The following CLSTN2 variants were observed in gnomAD, a reference collection of about 807,000 sequenced individuals.
The protein encoded by CLSTN2 is calsyntenin-2.
In CLSTN2, 48 loss-of-function variants were observed where a neutral mutation model predicts 101.2. That is an observed-to-expected ratio of 0.47 (90% CI 0.38 to 0.60). The LOEUF is 0.60. Ranked by LOEUF, CLSTN2 falls within the 20% of genes least tolerant of loss-of-function variation. The probability of loss-of-function intolerance (pLI) is 0.00; values close to 1 mark genes in which losing one functional copy is unlikely to be tolerated. For synonymous variants in CLSTN2, 481 were observed against 463.6 expected (o/e 1.04, Z -0.48); for missense variants, 1,160 against 1,238.2 (o/e 0.94, Z 0.95).
intron 8 of CLSTN2, among the ~76,000 whole-genome samples, chr3:140,490,364 C>G (rs1383268216): frequency 6.6e-6 from 1 of 151,044 alleles, no homozygotes; most frequent in Non-Finnish European, 1.5e-5. Context: ...CCATGCTAGA[C>G]ACATCCCCAG....
intron 1 of CLSTN2, among the ~76,000 whole-genome samples, chr3:140,066,808 T>C (rs951931229): frequency 6.6e-6 from 1 of 152,138 alleles, no homozygotes; most frequent in Non-Finnish European, 1.5e-5. Context: ...TGCTTAGGAG[T>C]CAGAAAACTA....
At chr3:140,460,155 A>G (rs1236241706) in intron 7 of CLSTN2, 2 of 201,060 alleles carry the variant, frequency 9.9e-6, no homozygotes, top group Admixed American at 1.0e-4. Flanking sequence ...ACTGTATTAG[A>G]TACAGTAAGA....
chr3:139,966,051 C>G (rs547457717), intron 1 of CLSTN2, among the ~76,000 whole-genome samples: 40 of 152,308 alleles, frequency 2.6e-4, no homozygotes, highest in African/African-American at 8.9e-4. Flanking sequence ...AAAGAACAGA[C>G]AAGCTAGTGG....
At chr3:140,260,636 TATG>T (rs1381683422) in intron 2 of CLSTN2, among the ~76,000 whole-genome samples, 1 of 152,152 alleles carries the variant, frequency 6.6e-6, no homozygotes, top group Non-Finnish European at 1.5e-5. Context: ...CTTACTGTAG[TATG>T]ATGCATTAAT....
intron 2 of CLSTN2, among the ~76,000 whole-genome samples, chr3:140,300,726 T>C (rs142891746): frequency 1.3e-5 from 2 of 152,268 alleles, no homozygotes; most frequent in Non-Finnish European, 2.9e-5. Flanking sequence ...TAAAAATTAT[T>C]ACTGAGGGCC....
chr3:140,248,383 C>A (rs1576483564), intron 2 of CLSTN2, among the ~76,000 whole-genome samples: 1 of 152,162 alleles, frequency 6.6e-6, no homozygotes, highest in East Asian at 1.9e-4. Flanking sequence ...AGCTTCAAGT[C>A]CAAAGGAGAA....
At chr3:140,149,926 T>A (rs1471749549) in intron 1 of CLSTN2, among the ~76,000 whole-genome samples, 2 of 152,194 alleles carry the variant, frequency 1.3e-5, no homozygotes, top group Non-Finnish European at 2.9e-5. Flanking sequence ...CTTGGGTTCG[T>A]GACAAGTAGG....
chr3:140,171,868 AATAT>A (rs2010241403), intron 1 of CLSTN2, among the ~76,000 whole-genome samples: 1 of 124,484 alleles, frequency 8.0e-6, no homozygotes, highest in Non-Finnish European at 1.6e-5. Context: ...ATATAATAAC[AATAT>A]ATAATATATA....
intron 1 of CLSTN2, among the ~76,000 whole-genome samples, chr3:140,074,635 T>C (rs1244718466): frequency 1.3e-5 from 2 of 152,200 alleles, no homozygotes. Context: ...GGAGAGATGC[T>C]ATCATTACTC....
intron 1 of CLSTN2, among the ~76,000 whole-genome samples, chr3:139,991,986 T>C (rs936785543): frequency 6.6e-6 from 1 of 152,182 alleles, no homozygotes; most frequent in Non-Finnish European, 1.5e-5. Context: ...TGAGACCCAT[T>C]GTCCAGGTCT....
intron 2 of CLSTN2, among the ~76,000 whole-genome samples, chr3:140,346,269 C>T (rs188365414): frequency 6.6e-6 from 1 of 152,282 alleles, no homozygotes; most frequent in Admixed American, 6.5e-5. Flanking sequence ...TTTGCCAAGT[C>T]CCCTCAGCCA....
chr3:140,353,741 T>C (rs544169566), intron 2 of CLSTN2, among the ~76,000 whole-genome samples: 5 of 152,326 alleles, frequency 3.3e-5, no homozygotes, highest in African/African-American at 1.2e-4. Flanking sequence ...CAAAATAAAA[T>C]ATTAATAATT....
chr3:140,526,266 A>G (rs1482786971), intron 8 of CLSTN2, among the ~76,000 whole-genome samples: 1 of 152,174 alleles, frequency 6.6e-6, no homozygotes, highest in East Asian at 1.9e-4. Context: ...TCTATATGCC[A>G]ATAATGTTCT....
At chr3:140,404,076 C>T (rs1444253756) in intron 3 of CLSTN2, among the ~76,000 whole-genome samples, 1 of 152,236 alleles carries the variant, frequency 6.6e-6, no homozygotes, top group East Asian at 1.9e-4. Context: ...TTAGGTGTCA[C>T]TTCTTCCAGA....
chr3:140,143,628 A>T (rs2009735803), intron 1 of CLSTN2, among the ~76,000 whole-genome samples: 1 of 152,102 alleles, frequency 6.6e-6, no homozygotes, highest in African/African-American at 2.4e-5. Context: ...CCACCACCAG[A>T]TTCTCTCTGT....
At chr3:140,187,037 C>A (rs78580754) in intron 2 of CLSTN2, among the ~76,000 whole-genome samples, 4,312 of 152,248 alleles carry the variant, frequency 0.028, 194 homozygotes, top group African/African-American at 0.097. Context: ...TCTCTTTGTC[C>A]CCAAATCCAC....
At chr3:140,519,917 C>T (rs934646264) in intron 8 of CLSTN2, among the ~76,000 whole-genome samples, 2 of 152,108 alleles carry the variant, frequency 1.3e-5, no homozygotes, top group African/African-American at 4.8e-5. Context: ...GGTTTGTGTA[C>T]TTCAGTGTTT....
intron 1 of CLSTN2, among the ~76,000 whole-genome samples, chr3:139,963,374 G>A (rs1935542703): frequency 6.6e-6 from 1 of 152,062 alleles, no homozygotes; most frequent in South Asian, 2.1e-4. Flanking sequence ...ATATGATCTA[G>A]TCCTACTTTT....
At chr3:140,102,552 G>A (rs1229743918) in intron 1 of CLSTN2, among the ~76,000 whole-genome samples, 3 of 152,182 alleles carry the variant, frequency 2.0e-5, no homozygotes, top group African/African-American at 7.2e-5. Flanking sequence ...GGGTTGCCTG[G>A]CAAGATTTCC....
Sources: gnomAD v4.1 joint callset for allele counts (sites outside exome capture counted in the v4.1 genomes callset) on GRCh38, gnomAD v4.1.1 for gene constraint, MANE v1.5 for transcripts, NCBI Gene and HGNC (gene_info 2026-07-23, HGNC 2026-07-21) for gene names.